Variants in ATF4 observed in about 807,000 individuals in gnomAD.
ATF4 encodes cyclic AMP-dependent transcription factor ATF-4.
A neutral mutation model predicts 21.0 loss-of-function variants in ATF4; 8 were observed. That is an observed-to-expected ratio of 0.38 (90% confidence interval 0.22 to 0.69). ATF4 has a LOEUF of 0.69. ATF4 is among the 30% of genes least tolerant of loss of function. The probability of loss-of-function intolerance (pLI) is 0.49; values close to 1 mark genes in which losing one functional copy is unlikely to be tolerated. For missense variants in ATF4, 549 were observed against 425.9 expected (o/e 1.29, Z -2.54); for synonymous variants, 241 against 166.4 (o/e 1.45, Z -3.45).
chr22:39,520,860 T>C (rs1487785263), intron 1 of ATF4, 109 bp downstream of exon 1: 6 of 152,928 alleles, frequency 3.9e-5, no homozygotes, highest in Non-Finnish European at 8.8e-5. Context: ...GGAAGCGATT[T>C]AACGAGCGCC....
rs1397674151 is a variant in ATF4, at chr22:39,522,595, T to C, written c.1049T>C (p.Val350Ala). The stretch of plus-strand genomic sequence containing the variant: ...CGCAAGGCAAGGGGGAAGAAAAGGG[T>C]CCCCTAGTTGAGGATAGTCAGGAGC... ...EVRKARGKKR[V>A]P Residue 350 changes from valine (V) to alanine (A), a missense_variant, in exon 3 of 3, where the codon GTC becomes GCC. By Grantham distance (64) the Val-to-Ala change is moderately conservative. Coordinates refer to ENST00000674920, the MANE Select transcript of ATF4 (RefSeq NM_182810.3). The C allele has an allele frequency of 6.5e-7, 1 of 1,534,130 alleles. No individual in the cohort carries two copies. The highest frequency in any genetic ancestry group is 1.4e-5 in the African/African-American group (1 of 71,830).
Position 39,522,129 on chromosome 22 carries a change from C to G in ATF4, c.583C>G (p.Pro195Ala), listed in dbSNP as rs374484492. 1 of 1,613,672 alleles carries G rather than the reference C, an allele frequency of 6.2e-7. No homozygotes were observed. The highest frequency in any genetic ancestry group is 1.3e-5 in the African/African-American group (1 of 74,852). ...GGATATCACTGAAGGAGATAGGAAG[C>G]CAGACTACACTGCTTACGTTGCCAT... Reference protein sequence around the residue: ...EVDITEGDRKPDYTAYVAMIP... With the variant: ...EVDITEGDRKADYTAYVAMIP... The change falls in exon 3 of 3, where the codon CCA becomes GCA. Residue 195 changes from proline (P) to alanine (A), a missense_variant. Physicochemically the swap from Pro to Ala is conservative, Grantham distance 27. Coordinates refer to ENST00000674920, the MANE Select transcript of ATF4 (RefSeq NM_182810.3).
rs1172077094 is a variant in ATF4 at position 39,521,935 on chromosome 22, C to T, written c.389C>T (p.Thr130Ile). The T allele has an allele frequency of 5.0e-6, 8 of 1,611,750 alleles. No individual in the cohort carries two copies. The highest frequency in any genetic ancestry group is 6.8e-6 in the Non-Finnish European group (8 of 1,179,042). Residue 130 changes from threonine to isoleucine, a missense_variant, in exon 3 of 3, where the codon ACT becomes ATT. Physicochemically the swap from Thr to Ile is moderately conservative, Grantham distance 89. Transcript: ENST00000674920. ...CTCTTTGCCCCCCTAGTCCAGGAGACTAATAAGCAGCCCCCCCAGACGGTG... is the reference window on the plus strand; with the variant it reads ...CTCTTTGCCCCCCTAGTCCAGGAGATTAATAAGCAGCCCCCCCAGACGGTG... ...CDLFAPLVQE[T>I]NKQPPQTVNP...
At position 39,521,014 on chromosome 22, in the gene ATF4, C is replaced by T. The variant is rs80105975; in HGVS notation, c.-93+263C>T. On this transcript the variant is annotated intron_variant, in intron 1 of 2. Transcript: ENST00000674920. The stretch of plus-strand genomic sequence containing the variant: ...CCCGCAAGGGTCCCAGGGGTCTTGG[C>T]TGTTGCCCCACGAAACGTGGCAGGA... The T allele has an allele frequency of 2.7e-3, 435 of 158,720 alleles. 1 individual carries two copies. The highest frequency in any genetic ancestry group is 3.3e-3 in the Non-Finnish European group (234 of 71,482). 9.8% of individuals were successfully genotyped at this position (158,720 alleles called of 1,614,324 possible). A position where few individuals can be genotyped will look rare whatever the true frequency, so the allele number is the denominator to read the frequency against.
chr22:39,522,013 C>T lies in ATF4; in HGVS notation c.467C>T (p.Pro156Leu), dbSNP rs779679328. 1.2e-6 allele frequency: 2 copies of T among 1,613,814 alleles called. No homozygotes were observed. Among genetic ancestry groups the T allele is most frequent in the South Asian group, 2.2e-5 (2 of 91,066 alleles). ...ESLTKPDQVAPFTFLQPLPLS... is the reference protein window; with the variant it reads ...ESLTKPDQVALFTFLQPLPLS... The stretch of plus-strand genomic sequence containing the variant: ...TTAACAAAACCCGACCAGGTTGCCC[C>T]CTTCACCTTCTTACAACCTCTTCCC... The change falls in exon 3 of 3, where the codon CCC becomes CTC. Residue 156 changes from proline (P) to leucine (L), a missense_variant. Transcript: ENST00000674920.
rs760612945 is a variant in ATF4 at position 39,521,952 on chromosome 22, C to G, written c.406C>G (p.Gln136Glu). 23 of 1,613,516 alleles carry G rather than the reference C, an allele frequency of 1.4e-5. No homozygotes were observed. Among genetic ancestry groups the G allele is most frequent in the East Asian group, 2.2e-5 (1 of 44,848 alleles). ...CCAGGAGACTAATAAGCAGCCCCCC[C>G]AGACGGTGAACCCAATTGGCCATCT... The part of the protein sequence containing the change: ...LVQETNKQPP[Q>E]TVNPIGHLPE... The change falls in exon 3 of 3, where the codon CAG (glutamine) becomes GAG (glutamate). Residue 136 changes from glutamine to glutamate, a missense_variant. Physicochemically the swap from Gln to Glu is conservative, Grantham distance 29. Coordinates refer to ENST00000674920, the MANE Select transcript of ATF4 (RefSeq NM_182810.3).
intron 1 of ATF4, chr22:39,521,145 T>G (rs752455767): frequency 4.8e-6 from 1 of 206,192 alleles, no homozygotes; most frequent in Non-Finnish European, 9.8e-6. Context: ...CGGAGCGCTT[T>G]CCTCTTGGCG....
chr22:39,522,618 A>T lies in ATF4; in HGVS notation c.*16A>T. 1 of 1,520,386 alleles carries T rather than the reference A, an allele frequency of 6.6e-7. No homozygotes were observed. Among genetic ancestry groups the T allele is most frequent in the Non-Finnish European group, 8.8e-7 (1 of 1,137,156 alleles). 94.2% of individuals were successfully genotyped at this position (1,520,386 alleles called of 1,614,324 possible). On this transcript the variant is annotated 3_prime_UTR_variant, in exon 3 of 3. Coordinates refer to ENST00000674920, the MANE Select transcript of ATF4 (RefSeq NM_182810.3). ...GGTCCCCTAGTTGAGGATAGTCAGGAGCGTCAATGTGCTTGTACATAGAGT... is the reference window on the plus strand; with the variant it reads ...GGTCCCCTAGTTGAGGATAGTCAGGTGCGTCAATGTGCTTGTACATAGAGT...
chr22:39,522,502 C>T lies in ATF4; in HGVS notation c.956C>T (p.Ala319Val). 6.2e-7 allele frequency: 1 copy of T among 1,612,316 alleles called. No individual in the cohort carries two copies. Among genetic ancestry groups the T allele is most frequent in the Non-Finnish European group, 8.5e-7 (1 of 1,179,296 alleles). Residue 319 changes from alanine to valine, a missense_variant, in exon 3 of 3, where the codon GCT becomes GTT. Physicochemically the swap from Ala to Val is moderately conservative, Grantham distance 64. Transcript: ENST00000674920. ...ECKELEKKNE[A>V]LKERADSLAK... ...AAAGAGCTGGAAAAGAAGAACGAGG[C>T]TCTAAAAGAGAGGGCGGATTCCCTG...
Position 39,521,762 on chromosome 22 carries a change from A to G in ATF4, c.227-11A>G. 6.2e-7 allele frequency: 1 copy of G among 1,613,398 alleles called. No homozygotes were observed. Among genetic ancestry groups the G allele is most frequent in the Non-Finnish European group, 8.5e-7 (1 of 1,179,504 alleles). ...TGACTCACTTGGCCCCATCACTCAA[A>G]TGTTTTGCAGAGGATGCCTTCTCCG... On this transcript the variant is annotated splice_polypyrimidine_tract_variant and intron_variant, in intron 2 of 2. Coordinates refer to ENST00000674920, the MANE Select transcript of ATF4 (RefSeq NM_182810.3).
In ATF4 at chr22:39,522,058, C is replaced by T. The variant is rs144769713; in HGVS notation, c.512C>T (p.Ser171Phe). 5.6e-6 allele frequency: 9 copies of T among 1,613,914 alleles called. No individual in the cohort carries two copies. Among genetic ancestry groups the T allele is most frequent in the African/African-American group, 4.0e-5 (3 of 75,014 alleles). Residue 171 changes from serine to phenylalanine, a missense_variant, in exon 3 of 3, where the codon TCC (serine) becomes TTC (phenylalanine). By Grantham distance (155) the Ser-to-Phe change is radical. Transcript: ENST00000674920. ...QPLPLSPGVL[S>F]STPDHSFSLE... The stretch of plus-strand genomic sequence containing the variant: ...CTTCCCCTTTCCCCAGGGGTCCTGT[C>T]CTCCACTCCAGATCATTCCTTTAGT...
Position 39,521,401 on chromosome 22 carries a change from C to T in ATF4, c.-45C>T, listed in dbSNP as rs768004395. 29 of 1,486,570 alleles carry T rather than the reference C, an allele frequency of 2.0e-5. No individual in the cohort carries two copies. The highest frequency in any genetic ancestry group is 2.4e-5 in the Non-Finnish European group (27 of 1,107,468). 92.1% of individuals were successfully genotyped at this position (1,486,570 alleles called of 1,614,324 possible). ...AGCGTTGCTGTAACCGACAAAGACA[C>T]CTTCGAATTAAGCACATTCCTCGAT... On this transcript the variant is annotated 5_prime_UTR_variant, in exon 2 of 3. Transcript: ENST00000674920.
Position 39,521,417 on chromosome 22 carries a change from A to T in ATF4, c.-29A>T, listed in dbSNP as rs1054005603. ...ACAAAGACACCTTCGAATTAAGCAC[A>T]TTCCTCGATTCCAGCAAAGCACCGC... On this transcript the variant is annotated 5_prime_UTR_variant, in exon 2 of 3. Transcript: ENST00000674920. The T allele has an allele frequency of 2.6e-6, 4 of 1,511,714 alleles. No individual in the cohort carries two copies. Among genetic ancestry groups the T allele is most frequent in the Admixed American group, 2.2e-5 (1 of 45,256 alleles). The allele number at this position is 1,511,714 out of a possible 1,614,324, so 93.6% of individuals were successfully genotyped here.
chr22:39,522,669 T>A lies in ATF4; in HGVS notation c.*67T>A, dbSNP rs746998189. The A allele has an allele frequency of 1.5e-6, 2 of 1,362,668 alleles. No homozygotes were observed. Among genetic ancestry groups the A allele is most frequent in the South Asian group, 3.3e-5 (2 of 61,046 alleles). The allele number at this position is 1,362,668 out of a possible 1,614,324, so 84.4% of individuals were successfully genotyped here. On this transcript the variant is annotated 3_prime_UTR_variant, in exon 3 of 3. Transcript: ENST00000674920. ...GCTGTAGCTGTGTGTTCCAATAAAT[T>A]ATTTTGTAGGGAAAGTACTTGTGCG...
chr22:39,522,262 G>A lies in ATF4; in HGVS notation c.716G>A (p.Arg239Lys), dbSNP rs771492320. ...LGSPQHSPSTRGSPNRSLPSP... is the reference protein window; with the variant it reads ...LGSPQHSPSTKGSPNRSLPSP... ...TCTCCTCAGCACAGCCCCTCTACCAGGGGCTCTCCAAATAGGAGCCTCCCA... is the reference window on the plus strand; with the variant it reads ...TCTCCTCAGCACAGCCCCTCTACCAAGGGCTCTCCAAATAGGAGCCTCCCA... Residue 239 changes from arginine (R) to lysine (K), a missense_variant, in exon 3 of 3, where the codon AGG becomes AAG. Transcript: ENST00000674920. The A allele has an allele frequency of 1.9e-5, 31 of 1,607,404 alleles. No homozygotes were observed. In the African/African-American group the frequency reaches 2.7e-4, roughly 14 times the overall value.
chr22:39,522,428 G>C lies in ATF4; in HGVS notation c.882G>C (p.Arg294Ser). The change falls in exon 3 of 3, where the codon AGG becomes AGC. Residue 294 changes from arginine to serine, a missense_variant. Physicochemically the swap from Arg to Ser is moderately radical, Grantham distance 110 (BLOSUM62 -1). Coordinates refer to ENST00000674920, the MANE Select transcript of ATF4 (RefSeq NM_182810.3). ...AGCAAAACAAGACAGCAGCCACTAG[G>C]TACCGCCAGAAGAAGAGGGCGGAGC... ...KMEQNKTAAT[R>S]YRQKKRAEQE... 2 of 1,613,740 alleles carry C rather than the reference G, an allele frequency of 1.2e-6. No homozygotes were observed. Among genetic ancestry groups the C allele is most frequent in the Non-Finnish European group, 1.7e-6 (2 of 1,179,768 alleles).
intron 2 of ATF4, 31 bp from the exon 3 acceptor site, chr22:39,521,742 C>T (rs773709050): frequency 1.3e-5 from 21 of 1,611,552 alleles, no homozygotes; most frequent in Non-Finnish European, 1.7e-5. Context: ...GTATCTGACT[C>T]ACTTGGCCCC....
At position 39,522,169 on chromosome 22, in the gene ATF4, T is replaced by C. The variant is rs778987567; in HGVS notation, c.623T>C (p.Ile208Thr). 1 of 1,613,032 alleles carries C rather than the reference T, an allele frequency of 6.2e-7. No individual in the cohort carries two copies. The highest frequency in any genetic ancestry group is 8.5e-7 in the Non-Finnish European group (1 of 1,179,394). ...TAYVAMIPQCIKEEDTPSDND... is the reference protein window; with the variant it reads ...TAYVAMIPQCTKEEDTPSDND... ...TACGTTGCCATGATCCCTCAGTGCA[T>C]AAAGGAGGAAGACACCCCTTCAGAT... Residue 208 changes from isoleucine (I) to threonine (T), a missense_variant, in exon 3 of 3, where the codon ATA becomes ACA. Physicochemically the swap from Ile to Thr is moderately conservative, Grantham distance 89 (BLOSUM62 -1). Coordinates refer to ENST00000674920, the MANE Select transcript of ATF4 (RefSeq NM_182810.3).
Position 39,522,112 on chromosome 22 carries a change from C to G in ATF4, c.566C>G (p.Thr189Ser). Residue 189 changes from threonine (T) to serine (S), a missense_variant, in exon 3 of 3, where the codon ACT (threonine) becomes AGT (serine). Coordinates refer to ENST00000674920, the MANE Select transcript of ATF4 (RefSeq NM_182810.3). ...GAGCTGGGCAGTGAAGTGGATATCA[C>G]TGAAGGAGATAGGAAGCCAGACTAC... is the stretch of plus-strand genomic sequence containing the variant. ...SLELGSEVDI[T>S]EGDRKPDYTA... 6.2e-7 allele frequency: 1 copy of G among 1,613,938 alleles called. No individual in the cohort carries two copies. The highest frequency in any genetic ancestry group is 8.5e-7 in the Non-Finnish European group (1 of 1,179,858).
Sources: allele counts gnomAD v4.1 joint callset, GRCh38; gene constraint gnomAD v4.1.1; transcripts MANE v1.5; gene names NCBI Gene and HGNC (gene_info 2026-07-23, HGNC 2026-07-21).